DCDC1: variants seen among roughly 807,000 people sequenced by gnomAD.
DCDC1 encodes doublecortin domain-containing protein 1.
In DCDC1, 200 loss-of-function variants were observed where a neutral mutation model predicts 178.3. The observed-to-expected ratio is 1.12, with a 90% CI of 1.00 to 1.26. The LOEUF (loss-of-function observed/expected upper bound fraction) is 1.26, where lower values mean the gene tolerates loss of function less well. Ranked by LOEUF, DCDC1 falls within the 50% of genes most tolerant of loss-of-function variation. The pLI is 0.00. For missense variants in DCDC1, 1,983 were observed against 1,749.2 expected (o/e 1.13, Z -2.38); for synonymous variants, 690 against 604.8 (o/e 1.14, Z -2.07).
At chr11:31,303,242 T>A (rs1465846464) in intron 6 of DCDC1, among the ~76,000 whole-genome samples, 2 of 152,188 alleles carry the variant, frequency 1.3e-5, no homozygotes, top group Non-Finnish European at 2.9e-5. Flanking sequence ...AGACTCTCAA[T>A]AAATGTTTGT....
At chr11:31,146,832 C>A (rs982836347) in intron 9 of DCDC1, among the ~76,000 whole-genome samples, 1 of 152,140 alleles carries the variant, frequency 6.6e-6, no homozygotes, top group African/African-American at 2.4e-5. Context: ...TGCCAATATC[C>A]TGGGACAAAC....
intron 6 of DCDC1, among the ~76,000 whole-genome samples, chr11:31,300,195 C>G (rs985452883): frequency 7.9e-5 from 12 of 152,162 alleles, no homozygotes; most frequent in Non-Finnish European, 1.3e-4. Flanking sequence ...GATGAAGAAA[C>G]TTAGGCTTAG....
At chr11:31,169,279 G>A (rs1335428418) in intron 9 of DCDC1, among the ~76,000 whole-genome samples, 1 of 152,126 alleles carries the variant, frequency 6.6e-6, no homozygotes, top group South Asian at 2.1e-4. Context: ...GTTAATAGGT[G>A]CAGCAAACTA....
intron 30 of DCDC1, 38 bp downstream of exon 30, chr11:30,906,502 G>A (rs768967997): frequency 1.3e-6 from 2 of 1,564,330 alleles, no homozygotes; most frequent in Admixed American, 3.7e-5. Context: ...CCAAATTGTT[G>A]CCATACATGC....
At chr11:31,291,372 A>G (rs1054019916) in intron 6 of DCDC1, among the ~76,000 whole-genome samples, 1 of 152,076 alleles carries the variant, frequency 6.6e-6, no homozygotes, top group African/African-American at 2.4e-5. Flanking sequence ...GGTGCCTTCT[A>G]GGACATCCTC....
chr11:31,062,361 T>C (rs975018548), intron 20 of DCDC1, among the ~76,000 whole-genome samples: 2 of 152,138 alleles, frequency 1.3e-5, no homozygotes, highest in Non-Finnish European at 2.9e-5. Context: ...AGTTTCTATT[T>C]TAGATGAAAA....
chr11:31,195,220 A>G (rs1196397814), intron 9 of DCDC1, among the ~76,000 whole-genome samples: 1 of 152,108 alleles, frequency 6.6e-6, no homozygotes, highest in Non-Finnish European at 1.5e-5. Context: ...AGTGGACTTC[A>G]GTTAAAGAGT....
intron 20 of DCDC1, among the ~76,000 whole-genome samples, chr11:30,982,121 A>G (rs1565151056): frequency 6.6e-6 from 1 of 152,242 alleles, no homozygotes; most frequent in Non-Finnish European, 1.5e-5. Flanking sequence ...CACTAGAGGC[A>G]GCGCAAAGAA....
intron 12 of DCDC1, among the ~76,000 whole-genome samples, chr11:31,108,648 C>T (rs981895639): frequency 6.6e-6 from 1 of 152,134 alleles, no homozygotes; most frequent in African/African-American, 2.4e-5. Flanking sequence ...AGCATCTGAC[C>T]ACTTAACCAA....
chr11:31,161,626 T>A (rs1185976917), intron 9 of DCDC1, among the ~76,000 whole-genome samples: 1 of 152,132 alleles, frequency 6.6e-6, no homozygotes, highest in African/African-American at 2.4e-5. Context: ...TAGAAACGGC[T>A]CTTCCATCCC....
chr11:31,048,230 C>G (rs1371239401), intron 20 of DCDC1, among the ~76,000 whole-genome samples: 1 of 152,104 alleles, frequency 6.6e-6, no homozygotes, highest in African/African-American at 2.4e-5. Context: ...GAGCATTTAT[C>G]AAATGAATGG....
intron 36 of DCDC1, among the ~76,000 whole-genome samples, chr11:30,886,386 T>G (rs1048600621): frequency 7.9e-5 from 12 of 152,332 alleles, no homozygotes; most frequent in African/African-American, 2.9e-4. Flanking sequence ...ATAATAATAG[T>G]CACTACTTTG....
At chr11:30,903,933 G>A in intron 31 of DCDC1, 2 of 297,712 alleles carry the variant, frequency 6.7e-6, no homozygotes, top group Non-Finnish European at 1.2e-5. Context: ...CATGGCAGCT[G>A]ACATATATTA....
chr11:31,208,007 T>C (rs1316793012), intron 9 of DCDC1, among the ~76,000 whole-genome samples: 3 of 152,204 alleles, frequency 2.0e-5, no homozygotes, highest in Non-Finnish European at 4.4e-5. Context: ...TCAGCTTCCT[T>C]AGTTGATCCT....
chr11:30,909,182 A>G, intron 28 of DCDC1, 66 bp from the exon 29 acceptor site: 2 of 1,382,620 alleles, frequency 1.4e-6, no homozygotes, highest in South Asian at 1.6e-5. Context: ...CTTGTTTTTC[A>G]TTGCATATAT....
intron 29 of DCDC1, 68 bp from the exon 30 acceptor site, chr11:30,906,793 T>A: frequency 1.5e-6 from 2 of 1,369,950 alleles, no homozygotes; most frequent in Non-Finnish European, 1.9e-6. Context: ...CTGTAGAACA[T>A]TTTACAATAT....
chr11:31,354,071 A>C (rs1348129513), intron 1 of DCDC1, among the ~76,000 whole-genome samples: 1 of 152,188 alleles, frequency 6.6e-6, no homozygotes, highest in Non-Finnish European at 1.5e-5. Context: ...GAGGATCACG[A>C]GGTCAAGAGA....
chr11:31,248,635 T>C (rs1287335438), intron 8 of DCDC1, among the ~76,000 whole-genome samples: 2 of 152,076 alleles, frequency 1.3e-5, no homozygotes, highest in Non-Finnish European at 2.9e-5. Flanking sequence ...ATGTTAATGA[T>C]TTATTTAAGA....
intron 36 of DCDC1, among the ~76,000 whole-genome samples, chr11:30,887,780 CG>C (rs1943307199): frequency 6.6e-6 from 1 of 151,898 alleles, no homozygotes; most frequent in African/African-American, 2.4e-5. Context: ...GAGGCCAAGG[CG>C]GGGGGATCAC....
Sources: gnomAD v4.1 joint callset for allele counts (sites outside exome capture counted in the v4.1 genomes callset) on GRCh38, gnomAD v4.1.1 for gene constraint, MANE v1.5 for transcripts, NCBI Gene and HGNC (gene_info 2026-07-23, HGNC 2026-07-21) for gene names.